The following RC3H2 variants were observed in gnomAD, a reference collection of about 807,000 sequenced individuals.
RC3H2 encodes the protein roquin-2.
A neutral mutation model predicts 133.3 loss-of-function variants in RC3H2; 31 were observed. The ratio of observed to expected loss-of-function variants is 0.23; its 90% CI spans 0.17 to 0.31. The LOEUF is 0.31. Ranked by LOEUF, RC3H2 falls within the 10% of genes least tolerant of loss-of-function variation. The pLI is 1.00. For synonymous variants in RC3H2, 517 were observed against 502.2 expected (o/e 1.03, Z -0.40); for missense variants, 1,175 against 1,437.2 (o/e 0.82, Z 2.95).
Position 122,852,324 on chromosome 9 carries a change from G to A in RC3H2, c.3118-888C>T, listed in dbSNP as rs528278520. 4.5e-3 allele frequency among the ~76,000 whole-genome samples: 674 copies of A among 150,788 alleles called. 2 individuals are homozygous for A. The highest frequency in any genetic ancestry group is 8.2e-3 in the Non-Finnish European group (553 of 67,200). On this transcript the variant is annotated intron_variant, in intron 18 of 20. Transcript: ENST00000357244. Reference sequence around the variant, plus strand: ...GGCAGCCGCCCCGTCTGAGAAGTGAGGAGCCTCTCTGCCTGGCAGCCACCC... The same window carrying A: ...GGCAGCCGCCCCGTCTGAGAAGTGAAGAGCCTCTCTGCCTGGCAGCCACCC...
At chr9:122,872,751 A>G (rs959989039) in intron 9 of RC3H2, among the ~76,000 whole-genome samples, 6 of 152,038 alleles carry the variant, frequency 3.9e-5, no homozygotes, top group African/African-American at 1.2e-4. Context: ...TGCCCGGCTA[A>G]TTTTTGTATT....
chr9:122,852,149 G>C (rs1173655229), intron 18 of RC3H2, among the ~76,000 whole-genome samples: 1 of 135,372 alleles, frequency 7.4e-6, no homozygotes, highest in Admixed American at 7.6e-5. Flanking sequence ...CTGCCCCGCC[G>C]CCCTGTCTGG....
Position 122,855,296 on chromosome 9 carries a change from G to C in RC3H2, c.2703C>G (p.Ile901Met). The change falls in exon 15 of 21, where the codon ATC becomes ATG. Residue 901 changes from isoleucine (I) to methionine (M), a missense_variant. Coordinates refer to ENST00000357244, the MANE Select transcript of RC3H2 (RefSeq NM_001100588.3). ...DPIIPFSDGP[I>M]ISKWGAISRS... ...TGGAAATCGCACCCCATTTTGAGATGATGGGTCCATCACTAAAGGGAATTA... is the reference window on the plus strand; with the variant it reads ...TGGAAATCGCACCCCATTTTGAGATCATGGGTCCATCACTAAAGGGAATTA... The C allele has an allele frequency of 1.2e-6, 2 of 1,613,992 alleles. No individual in the cohort carries two copies. Among genetic ancestry groups the C allele is most frequent in the Non-Finnish European group, 1.7e-6 (2 of 1,179,926 alleles).
chr9:122,875,120 A>G, intron 9 of RC3H2: 1 of 1,461,864 alleles, frequency 6.8e-7, no homozygotes, highest in East Asian at 2.5e-5. Context: ...GAAATTCTGT[A>G]TATAGAACTA....
At chr9:122,892,858 A>C in intron 3 of RC3H2, 51 bp downstream of exon 3, 1 of 1,411,224 alleles carries the variant, frequency 7.1e-7, no homozygotes, top group Admixed American at 1.7e-5. Context: ...ATTCAAAGTA[A>C]ATGTACTACC....
intron 18 of RC3H2, among the ~76,000 whole-genome samples, chr9:122,853,482 G>A (rs1029238859): frequency 2.6e-5 from 4 of 152,080 alleles, no homozygotes; most frequent in African/African-American, 9.7e-5. Context: ...CCAGGCACGG[G>A]GGCTCACACC....
At chr9:122,862,891 CAA>C (rs1168612532) in intron 10 of RC3H2, among the ~76,000 whole-genome samples, 23 of 48,094 alleles carry the variant, frequency 4.8e-4, no homozygotes, top group Admixed American at 7.9e-4. Flanking sequence ...GACTCCATCT[CAA>C]AAAAAAAAAA....
intron 10 of RC3H2, among the ~76,000 whole-genome samples, chr9:122,860,360 G>T (rs1013671640): frequency 6.7e-6 from 1 of 150,350 alleles, no homozygotes; most frequent in African/African-American, 2.5e-5. Flanking sequence ...GAATAAAAAC[G>T]ATTCCCAGAT....
chr9:122,901,450 G>C (rs1419328847), intron 1 of RC3H2, among the ~76,000 whole-genome samples: 1 of 152,134 alleles, frequency 6.6e-6, no homozygotes, highest in Non-Finnish European at 1.5e-5. Context: ...GAATTGAATT[G>C]CAATTTAAAA....
At chr9:122,864,646 T>C (rs1407047587) in intron 10 of RC3H2, among the ~76,000 whole-genome samples, 1 of 150,740 alleles carries the variant, frequency 6.6e-6, no homozygotes, top group Non-Finnish European at 1.5e-5. Context: ...TTTGAGACAG[T>C]GTCTCACTCT....
Position 122,857,932 on chromosome 9 carries a change from A to G in RC3H2, c.2445T>C (p.Phe815=), listed in dbSNP as rs34883365. 4,985 of 1,612,904 alleles carry G rather than the reference A, an allele frequency of 3.1e-3. 120 individuals carry two copies. In the African/African-American group the frequency reaches 0.054, roughly 17 times the overall value. The change falls in exon 13 of 21, where the codon TTT becomes TTC. Residue 815 remains phenylalanine (F), a synonymous_variant. Transcript: ENST00000357244. ...TPPSPLFSVD[F]RADFSESVSG... is the part of the protein sequence containing the mutation. Reference sequence around the variant, plus strand: ...TTAAAACCTTTCTTACATCCGCACGAAAGTCTACACTGAACAGAGGAGAAG... The same window carrying G: ...TTAAAACCTTTCTTACATCCGCACGGAAGTCTACACTGAACAGAGGAGAAG...
chr9:122,867,247 C>A (rs1255252266), intron 9 of RC3H2, among the ~76,000 whole-genome samples: 1 of 104,254 alleles, frequency 9.6e-6, no homozygotes, highest in Non-Finnish European at 2.0e-5. Context: ...GATCAGCCCC[C>A]CGCCCGGCCA....
At position 122,849,504 on chromosome 9, in the gene RC3H2, G is replaced by A; in HGVS notation, c.*123C>T. 3.4e-6 allele frequency: 1 copy of A among 292,896 alleles called. No individual in the cohort carries two copies. Among genetic ancestry groups the A allele is most frequent in the Non-Finnish European group, 5.7e-6 (1 of 174,932 alleles). 18.1% of individuals were successfully genotyped at this position (292,896 alleles called of 1,614,324 possible). ...AGTATCAAAGAGTCCACAGGAAATG[G>A]ATGCCCCCAGTAATATCTTTTTTTT... On this transcript the variant is annotated 3_prime_UTR_variant, in exon 21 of 21. Transcript: ENST00000357244.
In RC3H2 at chr9:122,880,247, G is replaced by A. The variant is rs745967764; in HGVS notation, c.961-122C>T. The A allele has an allele frequency of 3.6e-6, 4 of 1,118,296 alleles. No individual in the cohort carries two copies. In the African/African-American group the frequency reaches 6.1e-5, roughly 17 times the overall value. The allele number at this position is 1,118,296 out of a possible 1,614,324, so 69.3% of individuals were successfully genotyped here. ...AGTGTCTTCAGATTCCACAGTAGGA[G>A]TATCAGTGATGAATTAAATTTTCAC... is the stretch of plus-strand genomic sequence containing the variant. On this transcript the variant is annotated intron_variant, in intron 6 of 20. Transcript: ENST00000357244.
intron 1 of RC3H2, among the ~76,000 whole-genome samples, chr9:122,899,335 C>T (rs1371335114): frequency 6.6e-6 from 1 of 151,944 alleles, no homozygotes; most frequent in Admixed American, 6.6e-5. Context: ...GGTGATCTGC[C>T]CACCTCAGCC....
In RC3H2 at chr9:122,849,844, TA is replaced by T. The variant is rs543183269; in HGVS notation, c.3381-23del. ...CTCCCTGAGAAAAAAGAAATGACAT[TA>T]AAAACAAATTAGCTTTAAGTGCAAA... is the stretch of plus-strand genomic sequence containing the variant. On this transcript the variant is annotated intron_variant, in intron 20 of 20. Coordinates refer to ENST00000357244, the MANE Select transcript of RC3H2 (RefSeq NM_001100588.3). 3.7e-4 allele frequency: 561 copies of T among 1,524,706 alleles called. 2 individuals are homozygous for T. In the African/African-American group the frequency reaches 7.2e-3, roughly 20 times the overall value. 94.4% of individuals were successfully genotyped at this position (1,524,706 alleles called of 1,614,324 possible). A position where few individuals can be genotyped will look rare whatever the true frequency, so the allele number is the denominator to read the frequency against.
intron 12 of RC3H2, among the ~76,000 whole-genome samples, chr9:122,858,456 TTTGA>T (rs1275178641): frequency 1.3e-5 from 2 of 152,160 alleles, no homozygotes; most frequent in East Asian, 3.8e-4. Context: ...TTCTAAGAGG[TTTGA>T]TTTTCTGATT....
Position 122,851,115 on chromosome 9 carries a change from T to G in RC3H2, c.3346A>C (p.Lys1116Gln). Residue 1116 changes from lysine (K) to glutamine (Q), a missense_variant, in exon 20 of 21, where the codon AAG (lysine) becomes CAG (glutamine). Lys to Gln is a moderately conservative substitution (Grantham distance 53). Transcript: ENST00000357244. The stretch of plus-strand genomic sequence containing the variant: ...TGGTCTTCACCTAAACTCTGTTTCT[T>G]CTGCTTTGGTGGCTCCTTTTGGTGC... Reference protein sequence around the residue: ...QQHQKEPPKQKKQSLGEDHVI... With the variant: ...QQHQKEPPKQQKQSLGEDHVI... 6.2e-7 allele frequency: 1 copy of G among 1,614,242 alleles called. No individual in the cohort carries two copies. Among genetic ancestry groups the G allele is most frequent in the Non-Finnish European group, 8.5e-7 (1 of 1,180,032 alleles).
chr9:122,878,359 C>T (rs373202822), intron 8 of RC3H2, among the ~76,000 whole-genome samples: 22 of 152,074 alleles, frequency 1.4e-4, no homozygotes, highest in African/African-American at 2.7e-4. Context: ...CTCCACTTCC[C>T]GGGTTCAGGC....
Sources: gnomAD v4.1 joint callset for allele counts (sites outside exome capture counted in the v4.1 genomes callset) on GRCh38, gnomAD v4.1.1 for gene constraint, MANE v1.5 for transcripts, NCBI Gene and HGNC (gene_info 2026-07-23, HGNC 2026-07-21) for gene names.